SRRM4: variants seen among roughly 807,000 people sequenced by gnomAD.
The protein encoded by SRRM4 is serine/arginine repetitive matrix 4.
Under a neutral mutation model 68.9 loss-of-function variants are expected in SRRM4, and 33 were observed. That is an observed-to-expected ratio of 0.48 (90% confidence interval 0.36 to 0.64). SRRM4 has a LOEUF of 0.64. Ranked by LOEUF, SRRM4 falls within the 30% of genes least tolerant of loss-of-function variation. The pLI is 0.00. For synonymous variants in SRRM4, 318 were observed against 318.8 expected (o/e 1.00, Z 0.03); for missense variants, 817 against 827.1 (o/e 0.99, Z 0.15).
At chr12:119,153,141 A>G (rs1954449625) in intron 10 of SRRM4, among the ~76,000 whole-genome samples, 1 of 152,212 alleles carries the variant, frequency 6.6e-6, no homozygotes, top group Non-Finnish European at 1.5e-5. Context: ...CATAGCTAAC[A>G]TTTCCTATGT....
chr12:119,040,474 T>C (rs1322095016), intron 1 of SRRM4, among the ~76,000 whole-genome samples: 1 of 152,232 alleles, frequency 6.6e-6, no homozygotes, highest in East Asian at 1.9e-4. Context: ...CTGAGTTACT[T>C]CACTTAGAAT....
chr12:119,080,570 G>C lies in SRRM4; in HGVS notation c.132-21666G>C, dbSNP rs920294491. 2.6e-5 allele frequency among the ~76,000 whole-genome samples: 4 copies of C among 152,192 alleles called. 1 individual carries two copies. The highest frequency in any genetic ancestry group is 4.4e-5 in the Non-Finnish European group (3 of 68,038). Reference sequence around the variant, plus strand: ...AATTCCAAAGCTCACACTCATGTGTGTCATCTCTCCCACCATGTGGCTCCT... The same window carrying C: ...AATTCCAAAGCTCACACTCATGTGTCTCATCTCTCCCACCATGTGGCTCCT... On this transcript the variant is annotated intron_variant, in intron 1 of 12. Coordinates refer to ENST00000267260, the MANE Select transcript of SRRM4 (RefSeq NM_194286.4).
At chr12:118,984,682 AG>A (rs971657260) in intron 1 of SRRM4, among the ~76,000 whole-genome samples, 3 of 152,218 alleles carry the variant, frequency 2.0e-5, no homozygotes, top group African/African-American at 7.2e-5. Flanking sequence ...CTGCAATCTA[AG>A]CAACCCCCTG....
chr12:119,137,592 GA>G (rs1954337866), intron 8 of SRRM4, among the ~76,000 whole-genome samples: 11 of 3,574 alleles, frequency 3.1e-3, no homozygotes, highest in Non-Finnish European at 1.3e-3. Context: ...GGAGTGGAGA[GA>G]GAGAGAGAGA....
rs1315166478 is a variant in SRRM4, at chr12:119,048,159, A to G, written c.132-54077A>G. Among the ~76,000 whole-genome samples the G allele has an allele frequency of 3.3e-5, 5 of 152,336 alleles. No individual in the cohort carries two copies. The East Asian group carries it at 7.7e-4, about 24-fold the overall frequency. On this transcript the variant is annotated intron_variant, in intron 1 of 12. Transcript: ENST00000267260. ...TTACAAACCCTGTGAAACAAGAATT[A>G]GAACCCCTATTTTACAGTGGGGACA...
intron 2 of SRRM4, among the ~76,000 whole-genome samples, chr12:119,111,308 G>T (rs1338834067): frequency 6.6e-6 from 1 of 151,760 alleles, no homozygotes; most frequent in African/African-American, 2.4e-5. Flanking sequence ...GAAAAATAGG[G>T]GGTAGAAGAA....
intron 1 of SRRM4, among the ~76,000 whole-genome samples, chr12:119,070,971 G>C (rs1225179870): frequency 1.3e-5 from 2 of 152,206 alleles, no homozygotes; most frequent in African/African-American, 4.8e-5. Flanking sequence ...TACCAGGACT[G>C]GCTATGAGCT....
At chr12:119,012,219 G>A (rs1333328935) in intron 1 of SRRM4, among the ~76,000 whole-genome samples, 1 of 152,182 alleles carries the variant, frequency 6.6e-6, no homozygotes, top group Non-Finnish European at 1.5e-5. Flanking sequence ...CATTCGTGCA[G>A]CAAGGGTTTA....
intron 1 of SRRM4, among the ~76,000 whole-genome samples, chr12:119,038,761 C>A (rs1953646278): frequency 6.6e-6 from 1 of 152,108 alleles, no homozygotes; most frequent in African/African-American, 2.4e-5. Context: ...GGGTTCTGTC[C>A]TCAGGAATTT....
At chr12:118,986,437 C>T (rs956196857) in intron 1 of SRRM4, among the ~76,000 whole-genome samples, 2 of 152,260 alleles carry the variant, frequency 1.3e-5, no homozygotes, top group African/African-American at 4.8e-5. Flanking sequence ...ACCCGGCACA[C>T]GTGCTATCTT....
intron 1 of SRRM4, among the ~76,000 whole-genome samples, chr12:119,021,082 A>T (rs1165970856): frequency 6.6e-6 from 1 of 152,098 alleles, no homozygotes; most frequent in Non-Finnish European, 1.5e-5. Context: ...ACACATCTAG[A>T]CGTCAGGTAA....
Position 119,154,495 on chromosome 12 carries a change from G to T in SRRM4, c.1532+112G>T, listed in dbSNP as rs1267621797. 1 of 1,279,034 alleles carries T rather than the reference G, an allele frequency of 7.8e-7. No homozygotes were observed. The highest frequency in any genetic ancestry group is 1.5e-5 in the African/African-American group (1 of 66,894). 79.2% of individuals were successfully genotyped at this position (1,279,034 alleles called of 1,614,324 possible). ...CTCCTTGGGGCTGGGATTTAGGATT[G>T]TGCGAGCTTATGGTCCCCCCAACCC... On this transcript the variant is annotated intron_variant, in intron 12 of 12. Transcript: ENST00000267260. The surrounding 1 kb of genome is among the most constrained non-coding windows in gnomAD (Gnocchi z 4.7).
chr12:119,034,069 G>A (rs1373431907), intron 1 of SRRM4, among the ~76,000 whole-genome samples: 1 of 152,194 alleles, frequency 6.6e-6, no homozygotes, highest in African/African-American at 2.4e-5. Flanking sequence ...TAGGAGCAAG[G>A]GGCCTTGGGG....
intron 1 of SRRM4, among the ~76,000 whole-genome samples, chr12:119,030,431 G>A (rs1443833891): frequency 6.6e-6 from 1 of 152,170 alleles, no homozygotes; most frequent in Non-Finnish European, 1.5e-5. Context: ...GTTCTAAACA[G>A]AGAGTTTAGT....
At chr12:119,155,208 C>T (rs1954464735) in intron 12 of SRRM4, among the ~76,000 whole-genome samples, 1 of 152,218 alleles carries the variant, frequency 6.6e-6, no homozygotes, top group Admixed American at 6.5e-5. Flanking sequence ...AAGAGAAAAG[C>T]TCTAGCAGAG....
chr12:119,039,182 G>T (rs1265229545), intron 1 of SRRM4, among the ~76,000 whole-genome samples: 2 of 152,166 alleles, frequency 1.3e-5, no homozygotes, highest in Non-Finnish European at 2.9e-5. Flanking sequence ...CTGCCATAGG[G>T]CTTACCCCTG....
At chr12:118,991,614 A>G (rs1953317422) in intron 1 of SRRM4, 2 of 152,240 alleles carry the variant, frequency 1.3e-5, no homozygotes, top group Admixed American at 6.5e-5. Flanking sequence ...TGTTGGTAGA[A>G]TGCATGAACT....
chr12:119,058,349 T>C (rs1173111503), intron 1 of SRRM4, among the ~76,000 whole-genome samples: 2 of 152,190 alleles, frequency 1.3e-5, no homozygotes, highest in Non-Finnish European at 2.9e-5. Flanking sequence ...TTTAATGAGT[T>C]CATATTGTAC....
chr12:119,073,324 T>TTA (rs1491237903), intron 1 of SRRM4, among the ~76,000 whole-genome samples: 3 of 131,904 alleles, frequency 2.3e-5, no homozygotes, highest in Non-Finnish European at 3.2e-5. Flanking sequence ...TTTTTTTTTT[T>TTA]GTTTGTTTGT....
Sources: gnomAD v4.1 joint callset for allele counts (sites outside exome capture counted in the v4.1 genomes callset) on GRCh38, gnomAD v4.1.1 for gene constraint, Gnocchi (gnomAD v3.1) non-coding constraint, MANE v1.5 for transcripts, NCBI Gene and HGNC (gene_info 2026-07-23, HGNC 2026-07-21) for gene names.